The following NTM variants were observed in gnomAD, a reference collection of about 807,000 sequenced individuals.
NTM encodes IgLON family member 2.
In NTM, 13 loss-of-function variants were observed where a neutral mutation model predicts 42.1. The ratio of observed to expected loss-of-function variants is 0.31; its 90% CI spans 0.20 to 0.49. The LOEUF (loss-of-function observed/expected upper bound fraction) is 0.49, where lower values mean the gene tolerates loss of function less well. NTM is among the 20% of genes least tolerant of loss of function. The pLI, the probability that NTM is intolerant of heterozygous loss-of-function variation, is 0.99. For synonymous variants in NTM, 187 were observed against 179.2 expected, an observed-to-expected ratio of 1.04 and a Z score of -0.35; for missense variants, 373 against 452.8, an observed-to-expected ratio of 0.82 and a Z score of 1.60.
intron 1 of NTM, among the ~76,000 whole-genome samples, chr11:131,691,732 C>A (rs1307104592): frequency 1.3e-5 from 2 of 152,178 alleles, no homozygotes; most frequent in Non-Finnish European, 2.9e-5. Context: ...CTTTCCGCGG[C>A]GCGGGGCTGA....
intron 1 of NTM, among the ~76,000 whole-genome samples, chr11:131,460,588 T>C (rs1030168407): frequency 1.3e-5 from 2 of 152,214 alleles, no homozygotes; most frequent in Non-Finnish European, 2.9e-5. Context: ...AGTCTCGCTC[T>C]GTCGCCCAGA....
chr11:131,959,326 A>G (rs902624207), intron 2 of NTM, among the ~76,000 whole-genome samples: 3 of 152,148 alleles, frequency 2.0e-5, no homozygotes, highest in Admixed American at 2.0e-4. Flanking sequence ...CTGTATTAAC[A>G]TCCTTGAAAA....
At chr11:131,511,458 A>G (rs1472908889) in intron 1 of NTM, among the ~76,000 whole-genome samples, 1 of 152,064 alleles carries the variant, frequency 6.6e-6, no homozygotes, top group East Asian at 1.9e-4. Flanking sequence ...ACTCCAGCAC[A>G]CCCCCTCATT....
intron 1 of NTM, among the ~76,000 whole-genome samples, chr11:131,409,314 A>T (rs576852605): frequency 6.6e-6 from 1 of 152,226 alleles, no homozygotes; most frequent in South Asian, 2.1e-4. Context: ...TTGAGTCCTC[A>T]TTGAAGCTGC....
At chr11:132,224,317 C>T (rs1162321417) in intron 4 of NTM, among the ~76,000 whole-genome samples, 27 of 152,106 alleles carry the variant, frequency 1.8e-4, no homozygotes, top group Admixed American at 1.8e-3. Context: ...CGGGGAGCAT[C>T]TTGCCTATGT....
chr11:132,013,151 A>C (rs781312708), intron 2 of NTM, among the ~76,000 whole-genome samples: 1 of 152,302 alleles, frequency 6.6e-6, no homozygotes, highest in African/African-American at 2.4e-5. Flanking sequence ...AAGTCAACAG[A>C]GACTAGAACA....
At chr11:131,952,194 A>G (rs949144405) in intron 2 of NTM, among the ~76,000 whole-genome samples, 1 of 152,032 alleles carries the variant, frequency 6.6e-6, no homozygotes, top group Non-Finnish European at 1.5e-5. Context: ...TCATTCTCTG[A>G]CTCAAGTACC....
intron 1 of NTM, among the ~76,000 whole-genome samples, chr11:131,865,637 G>A (rs998451019): frequency 6.6e-6 from 1 of 152,038 alleles, no homozygotes; most frequent in Non-Finnish European, 1.5e-5. Context: ...ACCCTCTTAT[G>A]CTCACAGGTG....
chr11:131,795,920 C>T lies in NTM; in HGVS notation c.83-115644C>T, dbSNP rs558938861. The T allele has an allele frequency of 1.1e-5, 11 of 974,052 alleles. No homozygotes were observed. The South Asian group carries it at 2.8e-4, about 25-fold the overall frequency. The allele number at this position is 974,052 out of a possible 1,614,324, so 60.3% of individuals were successfully genotyped here. On this transcript the variant is annotated intron_variant, in intron 1 of 8. Coordinates refer to ENST00000683400, the MANE Select transcript of NTM (RefSeq NM_001352005.2). ...GGAGGGATCACTTTATTGGAGTAAG[C>T]GATGCCTGAGCTGCAGCATGGAAGT...
intron 2 of NTM, among the ~76,000 whole-genome samples, chr11:131,991,324 T>C (rs1043012462): frequency 6.6e-6 from 1 of 152,198 alleles, no homozygotes; most frequent in African/African-American, 2.4e-5. Flanking sequence ...AGAGTCTTGT[T>C]TGGGAGTCAG....
intron 1 of NTM, among the ~76,000 whole-genome samples, chr11:131,905,668 A>G (rs900008171): frequency 3.3e-5 from 5 of 151,742 alleles, no homozygotes; most frequent in Non-Finnish European, 5.9e-5. Flanking sequence ...AGTTGTATCC[A>G]CTATTTCATA....
intron 1 of NTM, among the ~76,000 whole-genome samples, chr11:131,705,777 T>C (rs2076533738): frequency 6.6e-6 from 1 of 152,104 alleles, no homozygotes; most frequent in Non-Finnish European, 1.5e-5. Flanking sequence ...CAGATTAAAA[T>C]AGGTTTATAA....
chr11:132,335,026 C>T lies in NTM; in HGVS notation c.968-20C>T, dbSNP rs563538983. 188 of 1,608,456 alleles carry T rather than the reference C, an allele frequency of 1.2e-4. No homozygotes were observed. The highest frequency in any genetic ancestry group is 1.6e-4 in the East Asian group (7 of 44,698). ...CCATTTTCTCCCAGACCACTCACGG[C>T]GAGTGTGTTCTCTCCACAGGTCCAG... On this transcript the variant is annotated intron_variant, in intron 8 of 8. Coordinates refer to ENST00000683400, the MANE Select transcript of NTM (RefSeq NM_001352005.2).
chr11:131,504,219 G>T (rs143911132), intron 1 of NTM, among the ~76,000 whole-genome samples: 135 of 152,152 alleles, frequency 8.9e-4, no homozygotes, highest in African/African-American at 2.9e-3. Context: ...TCTCTGTCTC[G>T]CACAGCGCAT....
intron 2 of NTM, among the ~76,000 whole-genome samples, chr11:131,994,791 C>T (rs1353205607): frequency 6.6e-6 from 1 of 152,078 alleles, no homozygotes; most frequent in Non-Finnish European, 1.5e-5. Flanking sequence ...GGATATTTCC[C>T]CCATATATCT....
At chr11:131,376,314 C>T (rs1243291094) in intron 1 of NTM, among the ~76,000 whole-genome samples, 2 of 152,192 alleles carry the variant, frequency 1.3e-5, no homozygotes, top group Non-Finnish European at 2.9e-5. Flanking sequence ...TGCTTTTTTT[C>T]TCAGCTTCTA....
chr11:132,321,030 C>T (rs1328361743), intron 7 of NTM, among the ~76,000 whole-genome samples: 2 of 151,424 alleles, frequency 1.3e-5, no homozygotes, highest in South Asian at 2.1e-4. Context: ...ATCTGTACAT[C>T]ACCATCATCA....
At chr11:132,251,431 T>G (rs1334743399) in intron 4 of NTM, among the ~76,000 whole-genome samples, 1 of 152,192 alleles carries the variant, frequency 6.6e-6, no homozygotes, top group African/African-American at 2.4e-5. Context: ...TCCAGTTCCT[T>G]TGGTAGTTTT....
At chr11:131,662,227 G>A (rs1390433547) in intron 1 of NTM, 1 of 152,180 alleles carries the variant, frequency 6.6e-6, no homozygotes, top group Non-Finnish European at 1.5e-5. Context: ...GAGGATAAAA[G>A]AAAACTCAAA....
Sources: gnomAD v4.1 joint callset for allele counts (sites outside exome capture counted in the v4.1 genomes callset) on GRCh38, gnomAD v4.1.1 for gene constraint, MANE v1.5 for transcripts, NCBI Gene and HGNC (gene_info 2026-07-23, HGNC 2026-07-21) for gene names.